AIFM2: variants seen among roughly 807,000 people sequenced by gnomAD.
AIFM2 encodes AIF family member 2, ferroptosis suppressor, also known as ferroptosis suppressor protein 1.
In AIFM2, 38 loss-of-function variants were observed where a neutral mutation model predicts 35.7. The observed-to-expected ratio is 1.06, with a 90% CI of 0.82 to 1.39. AIFM2 has a LOEUF of 1.39. Among genes scored for constraint, AIFM2 ranks in the 40% most tolerant of loss-of-function variants. The pLI is 0.00. For synonymous variants in AIFM2, 185 were observed against 203.5 expected (o/e 0.91, Z 0.77); for missense variants, 476 against 491.2 (o/e 0.97, Z 0.29).
intron 3 of AIFM2, among the ~76,000 whole-genome samples, chr10:70,122,162 G>A (rs927848482): frequency 2.0e-5 from 3 of 152,064 alleles, no homozygotes; most frequent in Non-Finnish European, 2.9e-5. Context: ...CTTGTTTGGA[G>A]CCTAAATATA....
intron 5 of AIFM2, among the ~76,000 whole-genome samples, chr10:70,118,987 A>C (rs1305534302): frequency 2.6e-5 from 4 of 152,168 alleles, no homozygotes; most frequent in African/African-American, 9.7e-5. Flanking sequence ...AGCTCCAGTG[A>C]CGAGAGGGGG....
chr10:70,124,904 A>G (rs1170694575), intron 1 of AIFM2, among the ~76,000 whole-genome samples: 1 of 152,186 alleles, frequency 6.6e-6, no homozygotes, highest in Non-Finnish European at 1.5e-5. Context: ...GGGTTTGAAT[A>G]TGTCTCCCAA....
rs994004876 is a variant in AIFM2 at position 70,112,924 on chromosome 10, C to T, written c.*1254G>A. 6.6e-6 allele frequency: 1 copy of T among 152,232 alleles called. No individual in the cohort carries two copies. The highest frequency in any genetic ancestry group is 1.5e-5 in the Non-Finnish European group (1 of 68,044). The allele number at this position is 152,232 out of a possible 1,614,324, so 9.4% of individuals were successfully genotyped here. On this transcript the variant is annotated 3_prime_UTR_variant, in exon 9 of 9. Coordinates refer to ENST00000307864, the MANE Select transcript of AIFM2 (RefSeq NM_032797.6). Reference sequence around the variant, plus strand: ...AAAACCACAAAGTCCCTCAAGGGCCCTCTCCCCATTCCCAGCATCAGCTGG... The same window carrying T: ...AAAACCACAAAGTCCCTCAAGGGCCTTCTCCCCATTCCCAGCATCAGCTGG...
At chr10:70,125,797 G>T (rs1170603193) in intron 1 of AIFM2, among the ~76,000 whole-genome samples, 1 of 152,130 alleles carries the variant, frequency 6.6e-6, no homozygotes, top group Non-Finnish European at 1.5e-5. Flanking sequence ...ACCTCAAGAT[G>T]GTATATAAGC....
chr10:70,126,993 G>A (rs570454080), intron 1 of AIFM2, among the ~76,000 whole-genome samples: 22 of 152,312 alleles, frequency 1.4e-4, no homozygotes, highest in African/African-American at 4.6e-4. Flanking sequence ...AATCCCAAGC[G>A]TACCTCAGGC....
intron 5 of AIFM2, 122 bp downstream of exon 5, chr10:70,120,385 A>C: frequency 1.0e-6 from 1 of 986,984 alleles, no homozygotes. Flanking sequence ...AGAAATACAC[A>C]CTCCCAGTTT....
At chr10:70,128,795 A>G (rs1242229806) in intron 1 of AIFM2, among the ~76,000 whole-genome samples, 2 of 152,192 alleles carry the variant, frequency 1.3e-5, no homozygotes, top group East Asian at 3.8e-4. Context: ...CAGGAGTTTG[A>G]GGCTGCAGTG....
chr10:70,115,826 T>C (rs1480090115), intron 7 of AIFM2, among the ~76,000 whole-genome samples: 1 of 152,176 alleles, frequency 6.6e-6, no homozygotes, highest in African/African-American at 2.4e-5. Context: ...CTTTAATAAA[T>C]GGCAAACTGC....
intron 5 of AIFM2, among the ~76,000 whole-genome samples, chr10:70,118,844 T>G (rs921557301): frequency 2.0e-5 from 3 of 152,188 alleles, no homozygotes; most frequent in African/African-American, 7.2e-5. Context: ...GGGTCTGACA[T>G]AGAGCTCCTA....
At chr10:70,126,387 A>G (rs1234638363) in intron 1 of AIFM2, among the ~76,000 whole-genome samples, 1 of 152,214 alleles carries the variant, frequency 6.6e-6, no homozygotes, top group East Asian at 1.9e-4. Flanking sequence ...CGAAGGAGGA[A>G]GTAGACTCTG....
chr10:70,123,191 G>C (rs2072528215), intron 3 of AIFM2, among the ~76,000 whole-genome samples: 1 of 152,138 alleles, frequency 6.6e-6, no homozygotes, highest in Non-Finnish European at 1.5e-5. Context: ...GCTAATTTTT[G>C]TATTTTCAGT....
rs1269636147 is a variant in AIFM2 at position 70,112,741 on chromosome 10, T to G, written c.*1437A>C. On this transcript the variant is annotated 3_prime_UTR_variant, in exon 9 of 9. Transcript: ENST00000307864. ...TCATCAACCACTTCTGCTATGCAGA[T>G]TTAACCCAGGCAGTCCAAGAGGGGC... 6.6e-6 allele frequency: 1 copy of G among 152,276 alleles called. No individual in the cohort carries two copies. The highest frequency in any genetic ancestry group is 1.5e-5 in the Non-Finnish European group (1 of 68,092). 9.4% of individuals were successfully genotyped at this position (152,276 alleles called of 1,614,324 possible).
intron 5 of AIFM2, among the ~76,000 whole-genome samples, chr10:70,119,549 G>A (rs1192383612): frequency 2.0e-5 from 3 of 152,234 alleles, no homozygotes; most frequent in Non-Finnish European, 4.4e-5. Context: ...AGTGTGGAGT[G>A]AGTAGGGAGA....
In AIFM2 at chr10:70,114,103, TTGCCAGGCGGG is replaced by T; in HGVS notation, c.*64_*74del. 1 of 1,518,924 alleles carries T rather than the reference TTGCCAGGCGGG, an allele frequency of 6.6e-7. No individual in the cohort carries two copies. Among genetic ancestry groups the T allele is most frequent in the Non-Finnish European group, 8.8e-7 (1 of 1,134,946 alleles). 94.1% of individuals were successfully genotyped at this position (1,518,924 alleles called of 1,614,324 possible). ...AGAAGAATAGCATTAGTTCTAGCAC[TTGCCAGGCGGG>T]TGCCATGCGCCAAGCAGTCCGTACG... On this transcript the variant is annotated 3_prime_UTR_variant, in exon 9 of 9. Coordinates refer to ENST00000307864, the MANE Select transcript of AIFM2 (RefSeq NM_032797.6).
chr10:70,123,540 G>C lies in AIFM2; in HGVS notation c.179-20C>G. ...CGAACCCTGGGGAAGGGACACAGAA[G>C]AGGTCATAGGGCAGAGCCAGGCTGC... On this transcript the variant is annotated intron_variant, in intron 2 of 8. Coordinates refer to ENST00000307864, the MANE Select transcript of AIFM2 (RefSeq NM_032797.6). 6.2e-7 allele frequency: 1 copy of C among 1,607,426 alleles called. No individual in the cohort carries two copies. The highest frequency in any genetic ancestry group is 8.5e-7 in the Non-Finnish European group (1 of 1,174,072).
rs1421378399 is a variant in AIFM2, at chr10:70,112,367, A to G, written c.*1811T>C. ...TTCTAGAATATTGTAAGTCAATAGAAGAAGGCCTGTCGCTCACACACTGGG... is the reference window on the plus strand; with the variant it reads ...TTCTAGAATATTGTAAGTCAATAGAGGAAGGCCTGTCGCTCACACACTGGG... On this transcript the variant is annotated 3_prime_UTR_variant, in exon 9 of 9. Transcript: ENST00000307864. The G allele has an allele frequency of 1.3e-5, 2 of 152,262 alleles. No homozygotes were observed. The highest frequency in any genetic ancestry group is 1.5e-5 in the Non-Finnish European group (1 of 68,054). The allele number at this position is 152,262 out of a possible 1,614,324, so 9.4% of individuals were successfully genotyped here.
intron 5 of AIFM2, among the ~76,000 whole-genome samples, chr10:70,119,078 T>C (rs926671267): frequency 2.6e-5 from 4 of 152,172 alleles, no homozygotes; most frequent in Non-Finnish European, 5.9e-5. Flanking sequence ...TTCAGAGAGC[T>C]TCCAGGTTGG....
In AIFM2 at chr10:70,131,219, G is replaced by T. The variant is rs558682113; in HGVS notation, c.-14+1515C>A. Among the ~76,000 whole-genome samples the T allele has an allele frequency of 6.6e-6, 1 of 152,144 alleles. No individual in the cohort carries two copies. Among genetic ancestry groups the T allele is most frequent in the Non-Finnish European group, 1.5e-5 (1 of 68,044 alleles). On this transcript the variant is annotated intron_variant, in intron 1 of 8. Coordinates refer to ENST00000307864, the MANE Select transcript of AIFM2 (RefSeq NM_032797.6). The surrounding 1 kb of genome is among the most constrained non-coding windows in gnomAD (Gnocchi z 4.1). Reference sequence around the variant, plus strand: ...AATAAAACACGATGCTTTTTGAGTCGTCATGGCTCACACAAAGGGTAGGTT... The same window carrying T: ...AATAAAACACGATGCTTTTTGAGTCTTCATGGCTCACACAAAGGGTAGGTT...
chr10:70,125,821 T>C (rs1198713430), intron 1 of AIFM2, among the ~76,000 whole-genome samples: 2 of 152,156 alleles, frequency 1.3e-5, no homozygotes, highest in East Asian at 3.8e-4. Context: ...TGTACCTCTT[T>C]TGGGGGTCGG....
Sources: allele counts gnomAD v4.1 joint callset (sites outside exome capture counted in the v4.1 genomes callset), GRCh38; gene constraint gnomAD v4.1.1; non-coding constraint Gnocchi (gnomAD v3.1); transcripts MANE v1.5; gene names NCBI Gene and HGNC (gene_info 2026-07-23, HGNC 2026-07-21).